Variants in UNC5D observed in about 807,000 individuals in gnomAD.
UNC5D encodes unc-5 netrin receptor D.
UNC5D carries 39 observed loss-of-function variants against 105.4 expected under a neutral mutation model. The observed-to-expected ratio is 0.37, with a 90% CI of 0.29 to 0.48. The LOEUF is 0.48. Ranked by LOEUF, UNC5D falls within the 20% of genes least tolerant of loss-of-function variation. The probability of loss-of-function intolerance (pLI) is 0.98; values close to 1 mark genes in which losing one functional copy is unlikely to be tolerated. For synonymous variants in UNC5D, 452 were observed against 450.4 expected (o/e 1.00, Z -0.04); for missense variants, 991 against 1,202.4 (o/e 0.82, Z 2.60).
rs572142864 is a variant in UNC5D, at chr8:35,788,009, GAAAGAAAAACAA to G, written c.2658-2339_2658-2328del. Among the ~76,000 whole-genome samples, 30 of 152,184 alleles carry G rather than the reference GAAAGAAAAACAA, an allele frequency of 2.0e-4. No homozygotes were observed. In the East Asian group the frequency reaches 4.6e-3, roughly 24 times the overall value. ...TTAAAGAAAAAAGAAAAGGAGGAAG[GAAAGAAAAACAA>G]AAAGAAAAACTAGAGAGAATGTTTT... On this transcript the variant is annotated intron_variant, in intron 16 of 16. Transcript: ENST00000404895.
At chr8:35,557,521 T>G (rs1427855676) in intron 2 of UNC5D, among the ~76,000 whole-genome samples, 1 of 152,158 alleles carries the variant, frequency 6.6e-6, no homozygotes, top group East Asian at 1.9e-4. Context: ...GCCTTTTCAT[T>G]TCTGTATTTA....
chr8:35,599,862 T>A (rs1563575611), intron 4 of UNC5D, among the ~76,000 whole-genome samples: 1 of 152,220 alleles, frequency 6.6e-6, no homozygotes, highest in Non-Finnish European at 1.5e-5. Flanking sequence ...GCAGGTTAGT[T>A]ACATAAGTAT....
Position 35,748,621 on chromosome 8 carries a change from C to A in UNC5D, c.1861C>A (p.Pro621Thr). Residue 621 changes from proline (P) to threonine (T), a missense_variant, in exon 12 of 17, where the codon CCG (proline) becomes ACG (threonine). By Grantham distance (38) the Pro-to-Thr change is conservative. Coordinates refer to ENST00000404895, the MANE Select transcript of UNC5D (RefSeq NM_080872.4). The stretch of plus-strand genomic sequence containing the variant: ...CACCACTCCCTTTGCATTGACCATC[C>A]CGCACTGTGCAGATGTCAGTTCTGA... ...IVTTPFALTI[P>T]HCADVSSEHW... The A allele has an allele frequency of 6.2e-7, 1 of 1,614,076 alleles. No homozygotes were observed. The highest frequency in any genetic ancestry group is 8.5e-7 in the Non-Finnish European group (1 of 1,179,948).
At chr8:35,617,482 G>T (rs554552812) in intron 4 of UNC5D, among the ~76,000 whole-genome samples, 1 of 152,274 alleles carries the variant, frequency 6.6e-6, no homozygotes, top group African/African-American at 2.4e-5. Context: ...AAGAATCCTA[G>T]ATGGCCTCTT....
chr8:35,332,294 T>G (rs575897148), intron 1 of UNC5D, among the ~76,000 whole-genome samples: 1 of 152,352 alleles, frequency 6.6e-6, no homozygotes, highest in African/African-American at 2.4e-5. Flanking sequence ...TGTACTGTGA[T>G]GTAGCAGAAT....
intron 1 of UNC5D, among the ~76,000 whole-genome samples, chr8:35,293,803 G>C (rs1251867728): frequency 6.6e-6 from 1 of 152,124 alleles, no homozygotes; most frequent in Non-Finnish European, 1.5e-5. Flanking sequence ...CTCAATTGGG[G>C]CTCTCCCAAT....
At chr8:35,524,930 G>A (rs1342587005) in intron 1 of UNC5D, among the ~76,000 whole-genome samples, 1 of 144,186 alleles carries the variant, frequency 6.9e-6, no homozygotes, top group Non-Finnish European at 1.5e-5. Flanking sequence ...TTCCAGAAGA[G>A]GGCTGTGAAA....
chr8:35,453,951 T>G (rs1470075348), intron 1 of UNC5D, among the ~76,000 whole-genome samples: 1 of 152,158 alleles, frequency 6.6e-6, no homozygotes, highest in Non-Finnish European at 1.5e-5. Flanking sequence ...TTTCTCCTAA[T>G]GGTAGAAAAA....
At chr8:35,445,200 C>A (rs1807690173) in intron 1 of UNC5D, among the ~76,000 whole-genome samples, 1 of 151,938 alleles carries the variant, frequency 6.6e-6, no homozygotes, top group African/African-American at 2.4e-5. Context: ...ATTTAACTGG[C>A]CTCTCCCTCC....
intron 4 of UNC5D, among the ~76,000 whole-genome samples, chr8:35,598,601 T>A (rs1035339113): frequency 6.6e-6 from 1 of 152,182 alleles, no homozygotes; most frequent in African/African-American, 2.4e-5. Flanking sequence ...TGCACCCCCA[T>A]GTTCATTGCA....
At position 35,257,029 on chromosome 8, in the gene UNC5D, C is replaced by T. The variant is rs547047850; in HGVS notation, c.103+21142C>T. The stretch of plus-strand genomic sequence containing the variant: ...ACTCTGTTGCCAAGCTGGAGTACTG[C>T]GGCAACGTCTCGGCTCACTGCAACC... On this transcript the variant is annotated intron_variant, in intron 1 of 16. Coordinates refer to ENST00000404895, the MANE Select transcript of UNC5D (RefSeq NM_080872.4). Among the ~76,000 whole-genome samples the T allele has an allele frequency of 2.0e-5, 3 of 149,026 alleles. No homozygotes were observed. The East Asian group carries it at 5.9e-4, about 29-fold the overall frequency.
chr8:35,382,473 T>C (rs1317964692), intron 1 of UNC5D, among the ~76,000 whole-genome samples: 1 of 152,236 alleles, frequency 6.6e-6, no homozygotes, highest in Non-Finnish European at 1.5e-5. Context: ...CTTATTTTTT[T>C]ATTTTAAAAA....
At chr8:35,523,578 C>CT (rs33917742) in intron 1 of UNC5D, among the ~76,000 whole-genome samples, 2,403 of 97,498 alleles carry the variant, frequency 0.025, 62 homozygotes, top group African/African-American at 0.061. Flanking sequence ...GTAATGTGCT[C>CT]TTTTTTTTTT....
intron 3 of UNC5D, among the ~76,000 whole-genome samples, chr8:35,583,453 C>T (rs538896880): frequency 6.6e-6 from 1 of 152,058 alleles, no homozygotes; most frequent in Non-Finnish European, 1.5e-5. Flanking sequence ...AACTGAGCAG[C>T]CTAAGTGCAG....
chr8:35,454,056 C>CT (rs1563433951), intron 1 of UNC5D, among the ~76,000 whole-genome samples: 1 of 152,172 alleles, frequency 6.6e-6, no homozygotes, highest in East Asian at 1.9e-4. Context: ...ACCCATTATA[C>CT]TTTGATCTTG....
chr8:35,348,889 C>T (rs1811999456), intron 1 of UNC5D, among the ~76,000 whole-genome samples: 1 of 151,660 alleles, frequency 6.6e-6, no homozygotes, highest in African/African-American at 2.4e-5. Flanking sequence ...AAGTTTTCAT[C>T]TATTAGACAT....
chr8:35,487,217 C>A (rs1810881736), intron 1 of UNC5D, among the ~76,000 whole-genome samples: 1 of 145,808 alleles, frequency 6.9e-6, no homozygotes, highest in Non-Finnish European at 1.5e-5. Context: ...ACGGTTAGTT[C>A]TTTGTGTCAA....
chr8:35,659,332 C>T (rs1167609918), intron 4 of UNC5D, among the ~76,000 whole-genome samples: 2 of 152,108 alleles, frequency 1.3e-5, no homozygotes. Context: ...GTAAAGTGAC[C>T]TCCTCTTCTC....
At chr8:35,786,840 G>T (rs1351488164) in intron 16 of UNC5D, among the ~76,000 whole-genome samples, 1 of 152,048 alleles carries the variant, frequency 6.6e-6, no homozygotes, top group East Asian at 1.9e-4. Context: ...CAGCATGGTG[G>T]CCTGCAGGCC....
Sources: allele counts gnomAD v4.1 joint callset (sites outside exome capture counted in the v4.1 genomes callset), GRCh38; gene constraint gnomAD v4.1.1; transcripts MANE v1.5; gene names NCBI Gene and HGNC (gene_info 2026-07-23, HGNC 2026-07-21).